Variants in KLHL32 observed in about 807,000 individuals in gnomAD.
The protein encoded by KLHL32 is kelch-like protein 32.
KLHL32 carries 35 observed loss-of-function variants against 64.8 expected under a neutral mutation model. The ratio of observed to expected loss-of-function variants is 0.54; its 90% CI spans 0.41 to 0.72. KLHL32 has a LOEUF of 0.72. Among genes scored for constraint, KLHL32 ranks in the 30% least tolerant of loss-of-function variants. The pLI is 0.00. For synonymous variants in KLHL32, 259 were observed against 281.0 expected, an observed-to-expected ratio of 0.92 and a Z score of 0.78; for missense variants, 589 against 768.5, an observed-to-expected ratio of 0.77 and a Z score of 2.76.
chr6:97,067,043 C>G (rs1283442534), intron 5 of KLHL32, among the ~76,000 whole-genome samples: 2 of 152,124 alleles, frequency 1.3e-5, no homozygotes, highest in Non-Finnish European at 2.9e-5. Flanking sequence ...TTTTGTTGTT[C>G]TTAAAATGCC....
intron 4 of KLHL32, among the ~76,000 whole-genome samples, chr6:97,043,983 T>A (rs761863661): frequency 2.0e-5 from 3 of 152,120 alleles, no homozygotes; most frequent in Non-Finnish European, 4.4e-5. Flanking sequence ...AGTTGTATTT[T>A]TTTTTTCTTG....
At chr6:96,928,377 C>G (rs76808115) in intron 1 of KLHL32, among the ~76,000 whole-genome samples, 1 of 151,994 alleles carries the variant, frequency 6.6e-6, no homozygotes, top group Non-Finnish European at 1.5e-5. Flanking sequence ...TGTAGCTGAG[C>G]GAGTGATGAA....
intron 3 of KLHL32, among the ~76,000 whole-genome samples, chr6:97,037,829 G>A (rs1470009675): frequency 6.6e-6 from 1 of 152,122 alleles, no homozygotes; most frequent in Non-Finnish European, 1.5e-5. Flanking sequence ...CAGACACATA[G>A]ATCAATGGAA....
chr6:96,904,779 T>C, the KLHL32 span, among the ~76,000 whole-genome samples: 1 of 152,210 alleles, frequency 6.6e-6, no homozygotes, highest in Non-Finnish European at 1.5e-5. Context: ...GTTACAGGAA[T>C]AGGCAAATAA....
intron 5 of KLHL32, among the ~76,000 whole-genome samples, chr6:97,084,745 C>T (rs1049166491): frequency 1.1e-4 from 16 of 152,124 alleles, no homozygotes; most frequent in East Asian, 7.7e-4. Flanking sequence ...CCTGCCCTTA[C>T]GTTATCTTTA....
At chr6:97,106,280 G>C (rs987264756) in intron 6 of KLHL32, among the ~76,000 whole-genome samples, 1 of 152,006 alleles carries the variant, frequency 6.6e-6, no homozygotes, top group African/African-American at 2.4e-5. Flanking sequence ...GACAAAATTT[G>C]TAGCATTTAG....
intron 3 of KLHL32, among the ~76,000 whole-genome samples, chr6:97,007,544 G>T (rs1042018685): frequency 2.0e-5 from 3 of 152,190 alleles, no homozygotes; most frequent in Non-Finnish European, 4.4e-5. Flanking sequence ...GCTGGTTGAA[G>T]GTAGGAAGAC....
the KLHL32 span, among the ~76,000 whole-genome samples, chr6:96,918,920 G>A: frequency 5.3e-5 from 8 of 152,186 alleles, no homozygotes; most frequent in African/African-American, 1.9e-4. Context: ...AAAATGAAGA[G>A]CCATCTCTCC....
At chr6:97,099,181 G>A (rs112133279) in intron 6 of KLHL32, among the ~76,000 whole-genome samples, 2,025 of 152,234 alleles carry the variant, frequency 0.013, 48 homozygotes, top group African/African-American at 0.045. Flanking sequence ...TCATACACCT[G>A]CATGACATGA....
chr6:97,053,778 T>A (rs1003580970), intron 4 of KLHL32, among the ~76,000 whole-genome samples: 12 of 151,868 alleles, frequency 7.9e-5, no homozygotes, highest in Non-Finnish European at 1.6e-4. Context: ...ATGTATTAAA[T>A]AAATTTATTG....
At chr6:97,056,320 T>C (rs193011898) in intron 4 of KLHL32, among the ~76,000 whole-genome samples, 81 of 152,228 alleles carry the variant, frequency 5.3e-4, no homozygotes, top group African/African-American at 1.8e-3. Context: ...TTAGCCAGGA[T>C]GGTCTTGATC....
chr6:97,096,374 A>C (rs1562332240), intron 6 of KLHL32, among the ~76,000 whole-genome samples: 1 of 152,210 alleles, frequency 6.6e-6, no homozygotes, highest in Non-Finnish European at 1.5e-5. Flanking sequence ...CCTAAATCAT[A>C]ATACTCCCAC....
chr6:96,996,818 G>C (rs2128071866), intron 3 of KLHL32, among the ~76,000 whole-genome samples: 1 of 152,210 alleles, frequency 6.6e-6, no homozygotes, highest in East Asian at 1.9e-4. Context: ...AGAGAAACTT[G>C]TAAGATGGGT....
intron 5 of KLHL32, among the ~76,000 whole-genome samples, chr6:97,076,420 T>TCTG: frequency 6.6e-6 from 1 of 152,304 alleles, no homozygotes; most frequent in Non-Finnish European, 1.5e-5. Flanking sequence ...AGAATCCTTA[T>TCTG]CACAGATCTG....
In KLHL32 at chr6:97,139,174, C is replaced by A. The variant is rs758957396; in HGVS notation, c.1755C>A (p.Leu585=). The change falls in exon 11 of 11, where the codon CTC becomes CTA. Residue 585 remains leucine (L), a synonymous_variant. Coordinates refer to ENST00000369261, the MANE Select transcript of KLHL32 (RefSeq NM_052904.4). The part of the protein sequence containing the change: ...GKEEVFYGPT[L]PFASNGIAAC... Reference sequence around the variant, plus strand: ...AAGAAGTATTCTATGGGCCTACACTCCCTTTTGCTTCCAATGGAATAGCAG... The same window carrying A: ...AAGAAGTATTCTATGGGCCTACACTACCTTTTGCTTCCAATGGAATAGCAG... 5 of 1,614,074 alleles carry A rather than the reference C, an allele frequency of 3.1e-6. No homozygotes were observed. The Admixed American group carries it at 8.3e-5, about 27-fold the overall frequency.
intron 3 of KLHL32, among the ~76,000 whole-genome samples, chr6:97,000,689 C>CTAT (rs1167441507): frequency 1.3e-5 from 2 of 152,178 alleles, no homozygotes; most frequent in Admixed American, 1.3e-4. Flanking sequence ...ATTCCTGTCA[C>CTAT]TATTACTTTG....
chr6:96,906,925 C>G, the KLHL32 span, among the ~76,000 whole-genome samples: 13 of 152,208 alleles, frequency 8.5e-5, no homozygotes, highest in Admixed American at 5.2e-4. Flanking sequence ...CCAGAGAAGT[C>G]TCCAGAGAAG....
At chr6:96,912,572 A>C in the KLHL32 span, among the ~76,000 whole-genome samples, 1 of 152,194 alleles carries the variant, frequency 6.6e-6, no homozygotes. Flanking sequence ...TAACTTAGCT[A>C]TGCTTCAGTT....
chr6:96,956,624 G>T (rs1259044382), intron 1 of KLHL32, among the ~76,000 whole-genome samples: 1 of 152,198 alleles, frequency 6.6e-6, no homozygotes, highest in African/African-American at 2.4e-5. Context: ...ATAAAGTGGT[G>T]CAGCAGAATG....
Sources: allele counts gnomAD v4.1 joint callset (sites outside exome capture counted in the v4.1 genomes callset), GRCh38; gene constraint gnomAD v4.1.1; transcripts MANE v1.5; gene names NCBI Gene and HGNC (gene_info 2026-07-23, HGNC 2026-07-21).